The following PSD3 variants were observed in gnomAD, a reference collection of about 807,000 sequenced individuals.
PSD3 encodes pleckstrin and Sec7 domain containing 3.
A neutral mutation model predicts 105.5 loss-of-function variants in PSD3; 49 were observed. The observed-to-expected ratio is 0.46, with a 90% CI of 0.37 to 0.59. The LOEUF is 0.59. PSD3 is among the 20% of genes least tolerant of loss of function. PSD3 has a pLI of 0.00. For missense variants in PSD3, 1,561 were observed against 1,263.8 expected, an observed-to-expected ratio of 1.24 and a Z score of -3.57; for synonymous variants, 557 against 457.8, an observed-to-expected ratio of 1.22 and a Z score of -2.77.
intron 1 of PSD3, among the ~76,000 whole-genome samples, chr8:19,065,835 C>G (rs774804863): frequency 6.6e-6 from 1 of 152,198 alleles, no homozygotes; most frequent in East Asian, 1.9e-4. Flanking sequence ...CTCAGCCCCT[C>G]TCCCATCCCC....
chr8:18,907,897 T>C (rs1323506814), intron 2 of PSD3, among the ~76,000 whole-genome samples: 1 of 152,218 alleles, frequency 6.6e-6, no homozygotes, highest in African/African-American at 2.4e-5. Context: ...AATGTATTGC[T>C]AAGCTGGATT....
intron 4 of PSD3, among the ~76,000 whole-genome samples, chr8:18,859,761 C>T (rs1484473612): frequency 6.6e-6 from 1 of 152,236 alleles, no homozygotes; most frequent in Non-Finnish European, 1.5e-5. Context: ...CCTGTCTCAG[C>T]TTTCAGAGAA....
At chr8:18,965,527 G>A (rs12680430) in intron 1 of PSD3, among the ~76,000 whole-genome samples, 61,681 of 151,910 alleles carry the variant, frequency 0.41, 12,746 homozygotes, top group African/African-American at 0.43. Flanking sequence ...GGTTGCCACT[G>A]TGACCATTTA....
intron 1 of PSD3, among the ~76,000 whole-genome samples, chr8:19,073,488 T>G (rs546055841): frequency 7.6e-6 from 1 of 132,234 alleles, no homozygotes; most frequent in East Asian, 2.4e-4. Flanking sequence ...GAGGTGGAGG[T>G]TGCAGTGAGC....
At chr8:18,766,049 G>A (rs1304151995) in intron 8 of PSD3, among the ~76,000 whole-genome samples, 3 of 151,838 alleles carry the variant, frequency 2.0e-5, no homozygotes, top group African/African-American at 7.3e-5. Flanking sequence ...ATACAGGGCT[G>A]GGCACAGTGG....
intron 1 of PSD3, among the ~76,000 whole-genome samples, chr8:18,969,944 T>C (rs919564723): frequency 4.6e-5 from 7 of 152,228 alleles, no homozygotes; most frequent in Admixed American, 4.6e-4. Flanking sequence ...ATTTTAAAAG[T>C]TTATGTATAT....
At chr8:18,845,619 A>C (rs932800151) in intron 4 of PSD3, among the ~76,000 whole-genome samples, 2 of 152,140 alleles carry the variant, frequency 1.3e-5, no homozygotes, top group African/African-American at 4.8e-5. Flanking sequence ...GGAGTTTCAC[A>C]GGCCTACTGC....
intron 9 of PSD3, among the ~76,000 whole-genome samples, chr8:18,748,736 G>C (rs1805232481): frequency 6.7e-6 from 1 of 150,282 alleles, no homozygotes; most frequent in Non-Finnish European, 1.5e-5. Flanking sequence ...CGGCAGTAAT[G>C]TTTAGAGACA....
At chr8:19,036,552 AG>A (rs1246851702) in intron 1 of PSD3, among the ~76,000 whole-genome samples, 1 of 152,200 alleles carries the variant, frequency 6.6e-6, no homozygotes, top group Admixed American at 6.5e-5. Context: ...AAAGTACTAA[AG>A]AAACACAAAG....
intron 9 of PSD3, among the ~76,000 whole-genome samples, chr8:18,700,938 A>G (rs1304007678): frequency 6.6e-6 from 1 of 152,122 alleles, no homozygotes; most frequent in Non-Finnish European, 1.5e-5. Context: ...TGGAAATTTA[A>G]AACTCTATAA....
intron 8 of PSD3, among the ~76,000 whole-genome samples, chr8:18,771,194 G>C (rs1807492211): frequency 6.6e-6 from 1 of 152,130 alleles, no homozygotes; most frequent in South Asian, 2.1e-4. Context: ...GGTGGTTTTG[G>C]AAAAGGCAAC....
intron 9 of PSD3, among the ~76,000 whole-genome samples, chr8:18,719,813 G>A (rs1455707657): frequency 6.6e-6 from 1 of 152,038 alleles, no homozygotes; most frequent in Non-Finnish European, 1.5e-5. Context: ...AGCTCTGTAG[G>A]AATATAGCAT....
intron 2 of PSD3, among the ~76,000 whole-genome samples, chr8:18,901,792 G>A (rs1335785688): frequency 2.0e-5 from 3 of 152,126 alleles, no homozygotes; most frequent in African/African-American, 4.8e-5. Context: ...GGATAGCTTT[G>A]CTGGGCATAG....
At chr8:18,822,268 T>C (rs1812806399) in intron 4 of PSD3, among the ~76,000 whole-genome samples, 1 of 152,148 alleles carries the variant, frequency 6.6e-6, no homozygotes, top group Non-Finnish European at 1.5e-5. Flanking sequence ...AGAAATATCC[T>C]AAGAAGAAGT....
At chr8:18,876,527 T>C (rs934402298) in intron 2 of PSD3, among the ~76,000 whole-genome samples, 1 of 151,982 alleles carries the variant, frequency 6.6e-6, no homozygotes, top group Admixed American at 6.6e-5. Flanking sequence ...GCTGGGACTA[T>C]AGGCACAGGC....
intron 3 of PSD3, among the ~76,000 whole-genome samples, chr8:18,869,541 C>T (rs1336118174): frequency 6.6e-6 from 1 of 152,156 alleles, no homozygotes; most frequent in East Asian, 1.9e-4. Flanking sequence ...CTGGCACAGG[C>T]CTTGGCTTCA....
intron 4 of PSD3, among the ~76,000 whole-genome samples, chr8:18,857,632 C>T (rs776216895): frequency 6.6e-6 from 1 of 152,124 alleles, no homozygotes; most frequent in Non-Finnish European, 1.5e-5. Context: ...TCAAGCTTTG[C>T]TCCATGGACC....
At chr8:18,655,098 T>C (rs903970988) in intron 10 of PSD3, among the ~76,000 whole-genome samples, 9 of 151,850 alleles carry the variant, frequency 5.9e-5, no homozygotes, top group Admixed American at 3.9e-4. Flanking sequence ...CCGAGGCAGG[T>C]GGATCACGAG....
intron 1 of PSD3, among the ~76,000 whole-genome samples, chr8:19,047,956 G>GA (rs1828384606): frequency 6.6e-6 from 1 of 151,818 alleles, no homozygotes; most frequent in East Asian, 1.9e-4. Context: ...TTTTTTTAAT[G>GA]AAGCAGCATG....
Sources: allele counts gnomAD v4.1 joint callset (sites outside exome capture counted in the v4.1 genomes callset), GRCh38; gene constraint gnomAD v4.1.1; transcripts MANE v1.5; gene names NCBI Gene and HGNC (gene_info 2026-07-23, HGNC 2026-07-21).